LOXL1: variants seen among roughly 807,000 people sequenced by gnomAD.
LOXL1 encodes lysyl oxidase homolog 1.
A neutral mutation model predicts 62.2 loss-of-function variants in LOXL1; 31 were observed. That is an observed-to-expected ratio of 0.50 (90% CI 0.37 to 0.67). The LOEUF (loss-of-function observed/expected upper bound fraction) is 0.67, where lower values mean the gene tolerates loss of function less well. LOXL1 is among the 30% of genes least tolerant of loss of function. LOXL1 has a pLI of 0.00. For synonymous variants in LOXL1, 403 were observed against 384.4 expected, an observed-to-expected ratio of 1.05 and a Z score of -0.56; for missense variants, 775 against 843.4, an observed-to-expected ratio of 0.92 and a Z score of 1.00.
chr15:73,931,232 G>T (rs1392907053), intron 1 of LOXL1, among the ~76,000 whole-genome samples: 1 of 152,006 alleles, frequency 6.6e-6, no homozygotes, highest in Non-Finnish European at 1.5e-5. Flanking sequence ...GGGCATCTTG[G>T]ATGGCTGTGC....
intron 1 of LOXL1, among the ~76,000 whole-genome samples, chr15:73,931,497 C>CTTCCTGTCCT (rs1275884393): frequency 6.6e-6 from 1 of 152,154 alleles, no homozygotes; most frequent in East Asian, 1.9e-4. Context: ...GAGGCACCTC[C>CTTCCTGTCCT]TTCCTGTCCT....
chr15:73,932,007 A>T (rs1345117117), intron 1 of LOXL1, among the ~76,000 whole-genome samples: 1 of 150,844 alleles, frequency 6.6e-6, no homozygotes, highest in African/African-American at 2.4e-5. Flanking sequence ...TGTAGATGAG[A>T]AAACAGGCCT....
intron 1 of LOXL1, among the ~76,000 whole-genome samples, chr15:73,932,419 T>G (rs554349575): frequency 6.6e-6 from 1 of 152,362 alleles, no homozygotes; most frequent in East Asian, 1.9e-4. Flanking sequence ...ATATTATTGC[T>G]TATCTTGTAC....
At chr15:73,929,258 T>G (rs2068618591) in intron 1 of LOXL1, among the ~76,000 whole-genome samples, 1 of 152,230 alleles carries the variant, frequency 6.6e-6, no homozygotes, top group African/African-American at 2.4e-5. Context: ...GTCGTCAGTT[T>G]CCTCTACCCA....
At chr15:73,946,394 CAT>C in intron 2 of LOXL1, 21 bp from the exon 3 acceptor site, 6 of 1,558,112 alleles carry the variant, frequency 3.9e-6, no homozygotes, top group East Asian at 4.5e-5. Context: ...AACCCCCCCT[CAT>C]CTCCCCCGCC....
At chr15:73,949,953 C>T (rs1281863699) in intron 6 of LOXL1, among the ~76,000 whole-genome samples, 2 of 152,188 alleles carry the variant, frequency 1.3e-5, no homozygotes, top group East Asian at 3.8e-4. Flanking sequence ...GGTATTTCCA[C>T]ATAGGCTGGC....
rs1472122837 is a variant in LOXL1 at position 73,927,668 on chromosome 15, C to A, written c.885C>A (p.Pro295=). 1.3e-6 allele frequency: 2 copies of A among 1,486,134 alleles called. No individual in the cohort carries two copies. The highest frequency in any genetic ancestry group is 1.8e-6 in the Non-Finnish European group (2 of 1,125,284). 92.1% of individuals were successfully genotyped at this position (1,486,134 alleles called of 1,614,324 possible). A position where few individuals can be genotyped will look rare whatever the true frequency, so the allele number is the denominator to read the frequency against. ...AGCAGGCCTACCCTGACCCCGGTCC[C>A]GAGGCGGCGCAGGCCCATGGCGGAG... ...GFEQAYPDPG[P]EAAQAHGGDP... is the part of the protein sequence containing the mutation. The change falls in exon 1 of 7, where the codon CCC becomes CCA. Residue 295 remains proline, a synonymous_variant. Transcript: ENST00000261921.
chr15:73,934,994 C>T (rs1595845000), intron 1 of LOXL1, among the ~76,000 whole-genome samples: 1 of 152,120 alleles, frequency 6.6e-6, no homozygotes, highest in South Asian at 2.1e-4. Flanking sequence ...CAGGTGTGCT[C>T]CAGTGTGGTT....
Position 73,946,398 on chromosome 15 carries a change from TC to T in LOXL1, c.1212-14del. ...CACTGTGCCCCAACCCCCCCTCATC[TC>T]CCCCGCCGTCCCTGCAGCACAGCCT... On this transcript the variant is annotated intron_variant, in intron 2 of 6. Coordinates refer to ENST00000261921, the MANE Select transcript of LOXL1 (RefSeq NM_005576.4). The T allele has an allele frequency of 1.5e-6, 2 of 1,360,890 alleles. No individual in the cohort carries two copies. The highest frequency in any genetic ancestry group is 2.1e-6 in the Non-Finnish European group (2 of 972,726). The allele number at this position is 1,360,890 out of a possible 1,614,324, so 84.3% of individuals were successfully genotyped here.
rs1485394738 is a variant in LOXL1 at position 73,927,613 on chromosome 15, G to A, written c.830G>A (p.Ser277Asn). The A allele has an allele frequency of 6.7e-7, 1 of 1,497,816 alleles. No individual in the cohort carries two copies. Among genetic ancestry groups the A allele is most frequent in the Non-Finnish European group, 8.8e-7 (1 of 1,130,396 alleles). The allele number at this position is 1,497,816 out of a possible 1,614,324, so 92.8% of individuals were successfully genotyped here. A position where few individuals can be genotyped will look rare whatever the true frequency, so the allele number is the denominator to read the frequency against. ...GGCCTGGACCGCCGCTACTCGCACA[G>A]TCTGTACAGCGAGGGCACCCCCGGC... ...PDGLDRRYSHSLYSEGTPGFE... is the reference protein window; with the variant it reads ...PDGLDRRYSHNLYSEGTPGFE... The change falls in exon 1 of 7, where the codon AGT becomes AAT. Residue 277 changes from serine to asparagine, a missense_variant. Physicochemically the swap from Ser to Asn is conservative, Grantham distance 46. Coordinates refer to ENST00000261921, the MANE Select transcript of LOXL1 (RefSeq NM_005576.4).
intron 1 of LOXL1, among the ~76,000 whole-genome samples, chr15:73,928,565 A>G (rs1456564426): frequency 6.7e-6 from 1 of 149,822 alleles, no homozygotes; most frequent in Non-Finnish European, 1.5e-5. Flanking sequence ...TGAGATGAGT[A>G]ATATTGAGAT....
intron 4 of LOXL1, 61 bp downstream of exon 4, chr15:73,947,284 CGAGGCCCGCT>C (rs1347544790): frequency 6.5e-6 from 10 of 1,530,440 alleles, no homozygotes; most frequent in Non-Finnish European, 8.8e-6. Flanking sequence ...AGGCAAAGAG[CGAGGCCCGCT>C]GAGGCCCGGC....
In LOXL1 at chr15:73,946,455, G is replaced by A. The variant is rs1567089317; in HGVS notation, c.1250G>A (p.Arg417Gln). 5.0e-6 allele frequency: 8 copies of A among 1,613,304 alleles called. No individual in the cohort carries two copies. The highest frequency in any genetic ancestry group is 6.8e-6 in the Non-Finnish European group (8 of 1,179,796). The part of the protein sequence containing the change: ...YAPEATDYDV[R>Q]VLLRFPQRVK... ...CCTGAGGCCACCGACTACGATGTGC[G>A]GGTGCTACTGCGCTTCCCCCAGCGC... The change falls in exon 3 of 7, where the codon CGG becomes CAG. Residue 417 changes from arginine (R) to glutamine (Q), a missense_variant. Coordinates refer to ENST00000261921, the MANE Select transcript of LOXL1 (RefSeq NM_005576.4).
At position 73,951,962 on chromosome 15, in the gene LOXL1, C is replaced by G. The variant is rs2068791242; in HGVS notation, c.*125C>G. ...CGGAGGGGCATCCCTCCCTGCCGGC[C>G]TCAGGGAGCGAACGTGGATGAAAAC... On this transcript the variant is annotated 3_prime_UTR_variant, in exon 7 of 7. Transcript: ENST00000261921. The G allele has an allele frequency of 1.5e-5, 12 of 795,244 alleles. No homozygotes were observed. The highest frequency in any genetic ancestry group is 2.1e-5 in the Non-Finnish European group (12 of 567,818). The allele number at this position is 795,244 out of a possible 1,614,324, so 49.3% of individuals were successfully genotyped here. A position where few individuals can be genotyped will look rare whatever the true frequency, so the allele number is the denominator to read the frequency against.
chr15:73,926,884 C>T lies in LOXL1; in HGVS notation c.101C>T (p.Ser34Leu). 6.4e-6 allele frequency: 10 copies of T among 1,560,080 alleles called. No homozygotes were observed. Among genetic ancestry groups the T allele is most frequent in the Non-Finnish European group, 8.7e-6 (10 of 1,152,868 alleles). Residue 34 changes from serine (S) to leucine (L), a missense_variant, in exon 1 of 7, where the codon TCG (serine) becomes TTG (leucine). Transcript: ENST00000261921. ...CAGCAGGCGCAGCCCGGGCAGGGCT[C>T]GGACCCCGCCCGCTGGCGGCAGCTG... Reference protein sequence around the residue: ...HGQQAQPGQGSDPARWRQLIQ... With the variant: ...HGQQAQPGQGLDPARWRQLIQ...
chr15:73,950,673 C>T (rs1180208680), intron 6 of LOXL1, among the ~76,000 whole-genome samples: 2 of 149,822 alleles, frequency 1.3e-5, no homozygotes, highest in Non-Finnish European at 2.9e-5. Context: ...AGGCTCAGGG[C>T]TCAGTGTGTG....
chr15:73,940,713 G>T (rs187884224), intron 1 of LOXL1, among the ~76,000 whole-genome samples: 204 of 152,324 alleles, frequency 1.3e-3, no homozygotes, highest in Non-Finnish European at 2.3e-3. Context: ...ACCAGGGTCA[G>T]AGGTCAGTCT....
At chr15:73,928,435 C>T (rs973138375) in intron 1 of LOXL1, among the ~76,000 whole-genome samples, 20 of 152,100 alleles carry the variant, frequency 1.3e-4, no homozygotes, top group East Asian at 5.8e-4. Context: ...TAGAGGGGAG[C>T]GTGTGCTCCA....
At position 73,945,039 on chromosome 15, in the gene LOXL1, G is replaced by A. The variant is rs554581262; in HGVS notation, c.1212-1378G>A. Reference sequence around the variant, plus strand: ...CAGCCGTCAGCTAAAGAGGGGAGGGGCCTTCAGCCACCCCTTCCTGTTCCT... The same window carrying A: ...CAGCCGTCAGCTAAAGAGGGGAGGGACCTTCAGCCACCCCTTCCTGTTCCT... On this transcript the variant is annotated intron_variant, in intron 2 of 6. Coordinates refer to ENST00000261921, the MANE Select transcript of LOXL1 (RefSeq NM_005576.4). This position sits in a 1 kb window ranked among gnomAD's most constrained non-coding sequence, Gnocchi z 4.3. Among the ~76,000 whole-genome samples the A allele has an allele frequency of 6.6e-6, 1 of 152,202 alleles. No individual in the cohort carries two copies. The highest frequency in any genetic ancestry group is 1.5e-5 in the Non-Finnish European group (1 of 68,040).
Sources: gnomAD v4.1 joint callset for allele counts (sites outside exome capture counted in the v4.1 genomes callset) on GRCh38, gnomAD v4.1.1 for gene constraint, Gnocchi (gnomAD v3.1) non-coding constraint, MANE v1.5 for transcripts, NCBI Gene and HGNC (gene_info 2026-07-23, HGNC 2026-07-21) for gene names.